The following CYP39A1 variants were observed in gnomAD, a reference collection of about 807,000 sequenced individuals.
The protein encoded by CYP39A1 is 24-hydroxycholesterol 7-alpha-hydroxylase.
A neutral mutation model predicts 58.1 loss-of-function variants in CYP39A1; 49 were observed. The ratio of observed to expected loss-of-function variants is 0.84; its 90% confidence interval spans 0.67 to 1.07. The LOEUF is 1.07. Among genes scored for constraint, CYP39A1 ranks in the 50% least tolerant of loss-of-function variants. CYP39A1 has a pLI of 0.00. For synonymous variants in CYP39A1, 209 were observed against 187.6 expected, an observed-to-expected ratio of 1.11 and a Z score of -0.93; for missense variants, 531 against 539.4, an observed-to-expected ratio of 0.98 and a Z score of 0.16.
chr6:46,622,215 T>C (rs2150567753), intron 7 of CYP39A1, among the ~76,000 whole-genome samples: 1 of 152,218 alleles, frequency 6.6e-6, no homozygotes, highest in Admixed American at 6.5e-5. Context: ...GGGATTTATT[T>C]TGAAGGTGAT....
At position 46,561,682 on chromosome 6, in the gene CYP39A1, G is replaced by C. The variant is rs376944828; in HGVS notation, c.1251-7828C>G. Among the ~76,000 whole-genome samples the C allele has an allele frequency of 3.9e-5, 6 of 152,164 alleles. No homozygotes were observed. The East Asian group carries it at 1.2e-3, about 29-fold the overall frequency. On this transcript the variant is annotated intron_variant, in intron 10 of 11. Coordinates refer to ENST00000275016, the MANE Select transcript of CYP39A1 (RefSeq NM_016593.5). The stretch of plus-strand genomic sequence containing the variant: ...GTGCTGATTGAACAATTATATCTAG[G>C]TGTGGAAACGGGGTTTCTCGAAGCT...
intron 10 of CYP39A1, among the ~76,000 whole-genome samples, chr6:46,554,607 G>T (rs1352602968): frequency 6.6e-6 from 1 of 152,032 alleles, no homozygotes; most frequent in Non-Finnish European, 1.5e-5. Context: ...CATACAAATA[G>T]AAACTAAAAA....
intron 1 of CYP39A1, among the ~76,000 whole-genome samples, chr6:46,646,916 C>T (rs866129678): frequency 2.0e-5 from 3 of 152,024 alleles, no homozygotes; most frequent in South Asian, 2.1e-4. Context: ...ATTCAAACAT[C>T]GGTCATTGGT....
intron 7 of CYP39A1, among the ~76,000 whole-genome samples, chr6:46,619,004 A>AGTG (rs1774793418): frequency 2.0e-5 from 3 of 152,130 alleles, no homozygotes; most frequent in Non-Finnish European, 4.4e-5. Context: ...ACCACTCTAC[A>AGTG]GTTTAGAGCC....
intron 7 of CYP39A1, among the ~76,000 whole-genome samples, chr6:46,610,643 T>C (rs1582395265): frequency 6.6e-6 from 1 of 152,254 alleles, no homozygotes; most frequent in South Asian, 2.1e-4. Context: ...CGGCACCTGG[T>C]CACATTTCTA....
chr6:46,646,322 A>T (rs78053780), intron 1 of CYP39A1, among the ~76,000 whole-genome samples: 3,927 of 152,130 alleles, frequency 0.026, 158 homozygotes, highest in African/African-American at 0.087. Context: ...TCATGAATGG[A>T]TATCAGGAAT....
intron 10 of CYP39A1, among the ~76,000 whole-genome samples, chr6:46,584,980 C>G (rs1772380558): frequency 6.6e-6 from 1 of 152,124 alleles, no homozygotes; most frequent in Non-Finnish European, 1.5e-5. Flanking sequence ...TACTCATGCT[C>G]AAAGCCCCTA....
At chr6:46,580,340 A>T (rs746244162) in intron 10 of CYP39A1, among the ~76,000 whole-genome samples, 5 of 152,238 alleles carry the variant, frequency 3.3e-5, no homozygotes, top group Non-Finnish European at 7.3e-5. Flanking sequence ...CTTTCACTGT[A>T]TACAAAAATC....
chr6:46,586,169 A>T (rs1269005156), intron 10 of CYP39A1: 1 of 948,606 alleles, frequency 1.1e-6, no homozygotes, highest in Non-Finnish European at 1.3e-6. Context: ...CACATGAAGA[A>T]CGGAAGGATG....
chr6:46,579,691 G>A (rs555075790), intron 10 of CYP39A1, among the ~76,000 whole-genome samples: 1 of 152,106 alleles, frequency 6.6e-6, no homozygotes, highest in Admixed American at 6.6e-5. Flanking sequence ...GTAAAAATCA[G>A]TGGTATTTCT....
chr6:46,600,097 T>C (rs1773396691), intron 7 of CYP39A1, among the ~76,000 whole-genome samples: 1 of 151,922 alleles, frequency 6.6e-6, no homozygotes, highest in Admixed American at 6.6e-5. Context: ...TATTCATACA[T>C]AATAAGCCCC....
In CYP39A1 at chr6:46,574,802, T is replaced by C. The variant is rs1200615477; in HGVS notation, c.1250+12275A>G. Among the ~76,000 whole-genome samples, 7 of 152,150 alleles carry C rather than the reference T, an allele frequency of 4.6e-5. No individual in the cohort carries two copies. The East Asian group carries it at 1.2e-3, about 25-fold the overall frequency. ...GCTCAGAAATAAACACAGTTTGTTTTAGAATCACTTTGGTCTAAGTATCAA... is the reference window on the plus strand; with the variant it reads ...GCTCAGAAATAAACACAGTTTGTTTCAGAATCACTTTGGTCTAAGTATCAA... On this transcript the variant is annotated intron_variant, in intron 10 of 11. Coordinates refer to ENST00000275016, the MANE Select transcript of CYP39A1 (RefSeq NM_016593.5).
chr6:46,647,263 T>C (rs1213036766), intron 1 of CYP39A1, among the ~76,000 whole-genome samples: 1 of 152,094 alleles, frequency 6.6e-6, no homozygotes, highest in East Asian at 1.9e-4. Flanking sequence ...CTCAGAAAAA[T>C]TGAAAGGGAT....
At position 46,652,709 on chromosome 6, in the gene CYP39A1, C is replaced by A; in HGVS notation, c.-127G>T. The A allele has an allele frequency of 1.2e-6, 1 of 837,330 alleles. No homozygotes were observed. Among genetic ancestry groups the A allele is most frequent in the Non-Finnish European group, 1.8e-6 (1 of 548,006 alleles). The allele number at this position is 837,330 out of a possible 1,614,324, so 51.9% of individuals were successfully genotyped here. A position where few individuals can be genotyped will look rare whatever the true frequency, so the allele number is the denominator to read the frequency against. On this transcript the variant is annotated 5_prime_UTR_variant, in exon 1 of 12. In the 5' UTR this introduces an upstream ATG that the reference lacks. Coordinates refer to ENST00000275016, the MANE Select transcript of CYP39A1 (RefSeq NM_016593.5). ...TTCTGCTGCAACTTTTGCAGCTCTC[C>A]TTCGTAACTGTAGCTTCCTTCCTCT...
At chr6:46,622,340 TTA>T (rs577803696) in intron 7 of CYP39A1, among the ~76,000 whole-genome samples, 5 of 151,750 alleles carry the variant, frequency 3.3e-5, no homozygotes, top group Non-Finnish European at 5.9e-5. Context: ...TTATCTATGA[TTA>T]TATATATATA....
chr6:46,634,523 G>GTTTTTTT (rs530045412), intron 5 of CYP39A1, among the ~76,000 whole-genome samples: 1 of 131,024 alleles, frequency 7.6e-6, no homozygotes, highest in African/African-American at 2.8e-5. Context: ...TTTTCTTTTT[G>GTTTTTTT]CTTTTTTTTT....
intron 1 of CYP39A1, among the ~76,000 whole-genome samples, chr6:46,646,576 T>C (rs1326011779): frequency 1.3e-5 from 2 of 152,116 alleles, no homozygotes; most frequent in Non-Finnish European, 1.5e-5. Flanking sequence ...ACCAGCTTCA[T>C]AAAATAGACT....
chr6:46,586,663 G>C (rs990378345), intron 10 of CYP39A1, among the ~76,000 whole-genome samples: 12 of 152,106 alleles, frequency 7.9e-5, no homozygotes, highest in Non-Finnish European at 1.8e-4. Context: ...AAACCACCTA[G>C]TAAGTGCCTG....
intron 11 of CYP39A1, among the ~76,000 whole-genome samples, chr6:46,552,434 A>G (rs140004478): frequency 6.6e-6 from 1 of 152,352 alleles, no homozygotes; most frequent in East Asian, 1.9e-4. Flanking sequence ...AAATCAAGTG[A>G]AATGCTGAAA....
Sources: gnomAD v4.1 joint callset for allele counts (sites outside exome capture counted in the v4.1 genomes callset) on GRCh38, gnomAD v4.1.1 for gene constraint, MANE v1.5 for transcripts, NCBI Gene and HGNC (gene_info 2026-07-23, HGNC 2026-07-21) for gene names.